The following ZFP36L1 variants were observed in gnomAD, a reference collection of about 807,000 sequenced individuals.
ZFP36L1 encodes mRNA decay activator protein ZFP36L1.
A neutral mutation model predicts 16.7 loss-of-function variants in ZFP36L1; 4 were observed. The observed-to-expected ratio is 0.24, with a 90% CI of 0.12 to 0.55. ZFP36L1 has a LOEUF of 0.55. ZFP36L1 is among the 20% of genes least tolerant of loss of function. The pLI is 0.94. For missense variants in ZFP36L1, 311 were observed against 449.2 expected, an observed-to-expected ratio of 0.69 and a Z score of 2.78; for synonymous variants, 220 against 190.8, an observed-to-expected ratio of 1.15 and a Z score of -1.26.
rs182769754 is a variant in ZFP36L1 at position 68,789,487 on chromosome 14, G to A, written c.*46C>T. 6.8e-6 allele frequency: 11 copies of A among 1,610,660 alleles called. No individual in the cohort carries two copies. In the East Asian group the frequency reaches 2.2e-4, roughly 33 times the overall value. ...GGAGAAGAGGGTATGGGATGTGGGTGCAGGGTAGGGGCTGGAGTAGGCAGG... is the reference window on the plus strand; with the variant it reads ...GGAGAAGAGGGTATGGGATGTGGGTACAGGGTAGGGGCTGGAGTAGGCAGG... On this transcript the variant is annotated 3_prime_UTR_variant, in exon 2 of 2. Transcript: ENST00000439696. This position sits in a 1 kb window ranked among gnomAD's most constrained non-coding sequence, Gnocchi z 4.5.
upstream of ZFP36L1, chr14:68,795,787 T>C (rs201074106): frequency 8.8e-5 from 47 of 535,200 alleles, no homozygotes; most frequent in East Asian, 1.3e-3. Flanking sequence ...ATTGTCGGGT[T>C]GAAACGTCAT....
chr14:68,795,592 T>C (rs1439989654), upstream of ZFP36L1, among the ~76,000 whole-genome samples: 2 of 152,008 alleles, frequency 1.3e-5, no homozygotes, highest in Non-Finnish European at 2.9e-5. Flanking sequence ...AGAAAGCTGA[T>C]TCCTCGAATT....
chr14:68,792,001 T>C (rs1162761860), intron 1 of ZFP36L1, among the ~76,000 whole-genome samples: 1 of 152,196 alleles, frequency 6.6e-6, no homozygotes, highest in African/African-American at 2.4e-5. Context: ...AGGGGGAGGT[T>C]GGAAAGAAAT....
In ZFP36L1 at chr14:68,790,244, C is replaced by A; in HGVS notation, c.306G>T (p.Gln102His). Residue 102 changes from glutamine (Q) to histidine (H), a missense_variant, in exon 2 of 2, where the codon CAG (glutamine) becomes CAT (histidine). By Grantham distance (24) the Gln-to-His change is conservative. Transcript: ENST00000439696. Reference sequence around the variant, plus strand: ...TGACCTGGCCGCCCCCGGGCTGCTTCTGGGTGGGCAGCAGCCGCTCGCCCC... The same window carrying A: ...TGACCTGGCCGCCCCCGGGCTGCTTATGGGTGGGCAGCAGCCGCTCGCCCC... ...SEGGERLLPT[Q>H]KQPGGGQVNS... 1 of 1,612,068 alleles carries A rather than the reference C, an allele frequency of 6.2e-7. No homozygotes were observed. The highest frequency in any genetic ancestry group is 8.5e-7 in the Non-Finnish European group (1 of 1,179,888).
chr14:68,793,127 G>A, upstream of ZFP36L1: 1 of 1,331,432 alleles, frequency 7.5e-7, no homozygotes, highest in South Asian at 1.3e-5. Flanking sequence ...GGGGGGAGGA[G>A]GAGCTTTAAA....
At chr14:68,793,317 CT>C (rs754937520), upstream of ZFP36L1, 20,839 of 743,552 alleles carry the variant, frequency 0.028, no homozygotes, top group South Asian at 0.035. Context: ...CCGCGCACAA[CT>C]TTTTTTTTTT....
At chr14:68,793,193 C>A (rs1895153522), upstream of ZFP36L1, 2 of 1,196,688 alleles carry the variant, frequency 1.7e-6, no homozygotes, top group Non-Finnish European at 2.1e-6. Context: ...GGAGTTGAAT[C>A]AGCCATGCGG....
chr14:68,795,042 G>C (rs944904564), upstream of ZFP36L1, among the ~76,000 whole-genome samples: 4 of 152,072 alleles, frequency 2.6e-5, no homozygotes, highest in African/African-American at 9.7e-5. Context: ...TCTGGCAAGC[G>C]CCAGAAAGGG....
At chr14:68,795,460 T>A (rs1300117798), upstream of ZFP36L1, among the ~76,000 whole-genome samples, 1 of 152,194 alleles carries the variant, frequency 6.6e-6, no homozygotes, top group Non-Finnish European at 1.5e-5. Context: ...GCCCAGGGCC[T>A]GTCCCCGCGG....
At chr14:68,790,581 C>A in intron 1 of ZFP36L1, 89 bp from the exon 2 acceptor site, 1 of 1,525,928 alleles carries the variant, frequency 6.6e-7, no homozygotes. Context: ...CACAAACGCC[C>A]GCTCTTTCTC....
chr14:68,790,372 A>G lies in ZFP36L1; in HGVS notation c.178T>C (p.Ser60Pro), dbSNP rs1158365765. ...PRRHSVTLPS[S>P]KFHQNQLLSS... ...AGGAGCTGGTTCTGGTGGAACTTGG[A>G]GCTGGGCAGGGTGACTGAGTGCCTC... The change falls in exon 2 of 2, where the codon TCC becomes CCC. Residue 60 changes from serine to proline, a missense_variant. By Grantham distance (74) the Ser-to-Pro change is moderately conservative. Around this residue, in one of 4 missense-constraint regions of ZFP36L1, gnomAD observed 137 missense variants for 142.6 expected, o/e 0.96. Transcript: ENST00000439696. 8 of 1,613,472 alleles carry G rather than the reference A, an allele frequency of 5.0e-6. No individual in the cohort carries two copies. In the African/African-American group the frequency reaches 5.3e-5, roughly 11 times the overall value.
rs1331895901 is a variant in ZFP36L1, at chr14:68,791,421, T to C, written c.58-929A>G. ...CACCAATGGCAGGTTTCTGTTCCAA[T>C]AGGACCCTGGTCACCTGCCCAAATT... is the stretch of plus-strand genomic sequence containing the variant. On this transcript the variant is annotated intron_variant, in intron 1 of 1. Coordinates refer to ENST00000439696, the MANE Select transcript of ZFP36L1 (RefSeq NM_004926.4). 2.6e-5 allele frequency among the ~76,000 whole-genome samples: 4 copies of C among 152,162 alleles called. No homozygotes were observed. In the East Asian group the frequency reaches 7.7e-4, roughly 29 times the overall value.
chr14:68,791,696 GGA>G (rs1895074799), intron 1 of ZFP36L1, among the ~76,000 whole-genome samples: 1 of 152,090 alleles, frequency 6.6e-6, no homozygotes, highest in South Asian at 2.1e-4. Context: ...TCAAAGAGCG[GGA>G]GAGTCGAGAA....
At chr14:68,794,020 T>A, upstream of ZFP36L1, 2 of 820,270 alleles carry the variant, frequency 2.4e-6, no homozygotes, top group Non-Finnish European at 2.9e-6. Flanking sequence ...ATCCAATCTT[T>A]AAACTTTTTA....
At position 68,789,440 on chromosome 14, in the gene ZFP36L1, C is replaced by A; in HGVS notation, c.*93G>T. 6.4e-7 allele frequency: 1 copy of A among 1,570,484 alleles called. No homozygotes were observed. On this transcript the variant is annotated 3_prime_UTR_variant, in exon 2 of 2. Transcript: ENST00000439696. The surrounding 1 kb of genome is among the most constrained non-coding windows in gnomAD (Gnocchi z 4.5). Reference sequence around the variant, plus strand: ...GAGCTTAACCTTGTTAATGTAGGGCCTGTGGGGAATGGGATGGGTAGGGAG... The same window carrying A: ...GAGCTTAACCTTGTTAATGTAGGGCATGTGGGGAATGGGATGGGTAGGGAG...
upstream of ZFP36L1, among the ~76,000 whole-genome samples, chr14:68,795,270 G>A (rs985830017): frequency 1.9e-4 from 29 of 152,212 alleles, no homozygotes; most frequent in African/African-American, 6.3e-4. Flanking sequence ...AAGCTATTTC[G>A]GTTTTTTATT....
At position 68,790,125 on chromosome 14, in the gene ZFP36L1, T is replaced by C; in HGVS notation, c.425A>G (p.His142Arg). 1 of 1,611,228 alleles carries C rather than the reference T, an allele frequency of 6.2e-7. No homozygotes were observed. The highest frequency in any genetic ancestry group is 1.3e-5 in the African/African-American group (1 of 74,974). Residue 142 changes from histidine to arginine, a missense_variant, in exon 2 of 2, where the codon CAC (histidine) becomes CGC (arginine). His to Arg is a conservative substitution (Grantham distance 29). Transcript: ENST00000439696. Reference sequence around the variant, plus strand: ...GTGGCGGGTCAGGCTGCGGAGCTCGTGGATGCCGTGTGCGAACTGGCACTT... The same window carrying C: ...GTGGCGGGTCAGGCTGCGGAGCTCGCGGATGCCGTGTGCGAACTGGCACTT... Reference protein sequence around the residue: ...GDKCQFAHGIHELRSLTRHPK... With the variant: ...GDKCQFAHGIRELRSLTRHPK...
At chr14:68,796,206 G>A (rs376934803), upstream of ZFP36L1, 104 of 1,366,682 alleles carry the variant, frequency 7.6e-5, no homozygotes, top group Non-Finnish European at 9.2e-5. Context: ...TAGCTTGGAG[G>A]TGGTGGTGGG....
In ZFP36L1 at chr14:68,789,531, G is replaced by C. The variant is rs1444543804; in HGVS notation, c.*2C>G. ...AGGCAGGAGGTCCCTCCCTACCCTG[G>C]CTTAGTCATCTGAGATGGAAAGTCT... On this transcript the variant is annotated 3_prime_UTR_variant, in exon 2 of 2. Coordinates refer to ENST00000439696, the MANE Select transcript of ZFP36L1 (RefSeq NM_004926.4). This position sits in a 1 kb window ranked among gnomAD's most constrained non-coding sequence, Gnocchi z 4.5. 6.2e-7 allele frequency: 1 copy of C among 1,613,174 alleles called. No homozygotes were observed. The highest frequency in any genetic ancestry group is 1.3e-5 in the African/African-American group (1 of 74,862).
Sources: allele counts gnomAD v4.1 joint callset (sites outside exome capture counted in the v4.1 genomes callset), GRCh38; gene constraint gnomAD v4.1.1; regional missense constraint gnomAD v4.1.1; non-coding constraint Gnocchi (gnomAD v3.1); transcripts MANE v1.5; gene names NCBI Gene and HGNC (gene_info 2026-07-23, HGNC 2026-07-21).